SLMAP: variants seen among roughly 807,000 people sequenced by gnomAD.
The protein encoded by SLMAP is sarcolemma associated protein, also known as sarcolemmal membrane-associated protein.
Under a neutral mutation model 128.8 loss-of-function variants are expected in SLMAP, and 44 were observed. The observed-to-expected ratio is 0.34, with a 90% confidence interval of 0.27 to 0.44. The LOEUF is 0.44. Ranked by LOEUF, SLMAP falls within the 20% of genes least tolerant of loss-of-function variation. SLMAP has a pLI of 1.00. For synonymous variants in SLMAP, 327 were observed against 348.8 expected (o/e 0.94, Z 0.70); for missense variants, 787 against 985.3 (o/e 0.80, Z 2.69).
intron 4 of SLMAP, among the ~76,000 whole-genome samples, chr3:57,843,990 G>A (rs1252377250): frequency 1.3e-5 from 2 of 151,102 alleles, no homozygotes; most frequent in South Asian, 2.1e-4. Context: ...TATATTGGCC[G>A]GGCTACCTCA....
chr3:57,820,412 G>A (rs186842847), intron 2 of SLMAP, among the ~76,000 whole-genome samples: 1 of 152,130 alleles, frequency 6.6e-6, no homozygotes, highest in African/African-American at 2.4e-5. Flanking sequence ...AACACACCCC[G>A]AGAGGAAAAA....
At chr3:57,834,628 T>G (rs1376947672) in intron 3 of SLMAP, among the ~76,000 whole-genome samples, 1 of 152,172 alleles carries the variant, frequency 6.6e-6, no homozygotes, top group Non-Finnish European at 1.5e-5. Context: ...CAGAGGGATT[T>G]ACAGCTGATC....
intron 10 of SLMAP, among the ~76,000 whole-genome samples, chr3:57,863,350 G>A (rs1246558922): frequency 1.3e-5 from 2 of 152,174 alleles, no homozygotes; most frequent in African/African-American, 2.4e-5. Context: ...TGGATTGAGT[G>A]CCTAGAAGAT....
chr3:57,853,976 T>C lies in SLMAP; in HGVS notation c.520-3757T>C, dbSNP rs192946782. On this transcript the variant is annotated intron_variant, in intron 6 of 24. Transcript: ENST00000671191. ...AAAATTATATATATATATATATATA[T>C]ATATATATATATATATATATATATT... is the stretch of plus-strand genomic sequence containing the variant. 7.7e-3 allele frequency among the ~76,000 whole-genome samples: 784 copies of C among 102,414 alleles called. 47 individuals carry two copies. The highest frequency in any genetic ancestry group is 0.028 in the African/African-American group (737 of 26,088). 67.2% of individuals were successfully genotyped at this position (102,414 alleles called of 152,430 possible).
chr3:57,804,120 G>A (rs1303509277), intron 2 of SLMAP, among the ~76,000 whole-genome samples: 1 of 152,146 alleles, frequency 6.6e-6, no homozygotes, highest in Non-Finnish European at 1.5e-5. Flanking sequence ...TTAAAGTAGA[G>A]CCAAAAGCAA....
chr3:57,810,573 C>T (rs1400140674), intron 2 of SLMAP, among the ~76,000 whole-genome samples: 1 of 152,160 alleles, frequency 6.6e-6, no homozygotes, highest in African/African-American at 2.4e-5. Flanking sequence ...AAAGATTTAT[C>T]TATATATGCG....
chr3:57,762,662 C>T (rs1337880655), intron 2 of SLMAP, among the ~76,000 whole-genome samples: 1 of 151,158 alleles, frequency 6.6e-6, no homozygotes, highest in Non-Finnish European at 1.5e-5. Flanking sequence ...TATCCTTCAT[C>T]CTTTTCGGAA....
Position 57,880,687 on chromosome 3 carries a change from G to A in SLMAP, c.1300+8989G>A, listed in dbSNP as rs954021650. ...GAGTTCAGGAGTTCGAGACCAGTCT[G>A]GCCAACACAGTGAGACCATGTCTCT... On this transcript the variant is annotated intron_variant, in intron 14 of 24. Coordinates refer to ENST00000671191, the MANE Select transcript of SLMAP (RefSeq NM_001377540.1). Among the ~76,000 whole-genome samples, 11 of 151,960 alleles carry A rather than the reference G, an allele frequency of 7.2e-5. 1 individual carries two copies. The highest frequency in any genetic ancestry group is 1.3e-4 in the Non-Finnish European group (9 of 67,984).
At chr3:57,760,034 G>A (rs1001285080) in intron 2 of SLMAP, among the ~76,000 whole-genome samples, 1 of 152,138 alleles carries the variant, frequency 6.6e-6, no homozygotes, top group African/African-American at 2.4e-5. Flanking sequence ...CTGCCTCCTG[G>A]GTTCAAGCGA....
In SLMAP at chr3:57,917,355, C is replaced by T. The variant is rs1432381955; in HGVS notation, c.2310+278C>T. ...ATATGAGAAATCCTTTGTACCAGGT[C>T]TCTTGATCTATTGTTTAACTTTCAA... On this transcript the variant is annotated intron_variant, in intron 22 of 24. Coordinates refer to ENST00000671191, the MANE Select transcript of SLMAP (RefSeq NM_001377540.1). 5.8e-5 allele frequency: 35 copies of T among 606,326 alleles called. No homozygotes were observed. In the East Asian group the frequency reaches 1.3e-3, roughly 23 times the overall value. 37.6% of individuals were successfully genotyped at this position (606,326 alleles called of 1,614,324 possible).
intron 2 of SLMAP, among the ~76,000 whole-genome samples, chr3:57,762,184 C>T (rs1401508487): frequency 2.0e-5 from 3 of 150,414 alleles, no homozygotes; most frequent in South Asian, 4.2e-4. Flanking sequence ...CTGGCTAACA[C>T]GGTGAAACCC....
intron 19 of SLMAP, chr3:57,912,161 A>C (rs1185682604): frequency 2.2e-6 from 1 of 453,042 alleles, no homozygotes; most frequent in Admixed American, 3.5e-5. Flanking sequence ...AAGGAATATC[A>C]GAAGTAATTT....
At chr3:57,890,145 A>G (rs2096019906) in intron 15 of SLMAP, 45 bp downstream of exon 15, 13 of 1,581,456 alleles carry the variant, frequency 8.2e-6, no homozygotes, top group African/African-American at 1.3e-5. Context: ...TCTTTTGGAT[A>G]ATGAAGGTTA....
At chr3:57,926,284 T>G (rs2097007169) in intron 24 of SLMAP, 1 of 200,816 alleles carries the variant, frequency 5.0e-6, no homozygotes, top group Admixed American at 6.0e-5. Context: ...CAGATTTGAA[T>G]GAGAAATGAA....
intron 4 of SLMAP, among the ~76,000 whole-genome samples, chr3:57,843,689 G>GCCTT (rs1303994203): frequency 1.4e-5 from 2 of 145,382 alleles, no homozygotes; most frequent in African/African-American, 2.6e-5. Context: ...GCCAATAATT[G>GCCTT]CCTTCCTTCC....
chr3:57,918,816 T>C (rs2096861873), intron 22 of SLMAP, among the ~76,000 whole-genome samples: 1 of 152,192 alleles, frequency 6.6e-6, no homozygotes, highest in Non-Finnish European at 1.5e-5. Context: ...AATTATGTAT[T>C]TTCAGCACTG....
intron 3 of SLMAP, 69 bp from the exon 4 acceptor site, chr3:57,841,230 T>A (rs527475470): frequency 3.5e-5 from 31 of 878,502 alleles, no homozygotes; most frequent in Non-Finnish European, 3.4e-5. Flanking sequence ...TATGTTTACA[T>A]ATGAGAGGTG....
intron 2 of SLMAP, among the ~76,000 whole-genome samples, chr3:57,795,776 A>C (rs1476532197): frequency 4.6e-5 from 7 of 151,942 alleles, no homozygotes; most frequent in Admixed American, 4.6e-4. Flanking sequence ...CATTTCCAGA[A>C]CTTTTTCATC....
intron 4 of SLMAP, among the ~76,000 whole-genome samples, chr3:57,843,727 TTTC>T (rs2094085754): frequency 6.6e-6 from 1 of 151,140 alleles, no homozygotes. Flanking sequence ...TTTCTTTTTC[TTTC>T]TTTCTTTCTT....
Sources: allele counts gnomAD v4.1 joint callset (sites outside exome capture counted in the v4.1 genomes callset), GRCh38; gene constraint gnomAD v4.1.1; transcripts MANE v1.5; gene names NCBI Gene and HGNC (gene_info 2026-07-23, HGNC 2026-07-21).